The following SATL1 variants were observed in gnomAD, a reference collection of about 807,000 sequenced individuals.
SATL1 encodes spermidine/spermine N1-acetyl transferase like 1.
Under a neutral mutation model 51.8 loss-of-function variants are expected in SATL1, and 47 were observed. That is an observed-to-expected ratio of 0.91 (90% confidence interval 0.72 to 1.16). The LOEUF is 1.16. Among genes scored for constraint, SATL1 ranks in the 50% most tolerant of loss-of-function variants. SATL1 has a pLI of 0.00. For synonymous variants in SATL1, 176 were observed against 182.4 expected, an observed-to-expected ratio of 0.97 and a Z score of 0.28; for missense variants, 520 against 526.4, an observed-to-expected ratio of 0.99 and a Z score of 0.12.
chrX:85,150,464 A>G (rs1275429727), intron 2 of SATL1, among the ~76,000 whole-genome samples: 3 of 108,138 alleles, frequency 2.8e-5, no homozygotes, highest in Non-Finnish European at 5.7e-5. Context: ...AACTCATTTT[A>G]TGAGGCCAGC....
chrX:85,129,193 G>T (rs748829975), intron 2 of SATL1, among the ~76,000 whole-genome samples: 4 of 111,849 alleles, frequency 3.6e-5, no homozygotes, highest in Non-Finnish European at 5.6e-5. Context: ...GAAAGTTATT[G>T]GTAGCTTGAT....
At chrX:85,168,782 C>A (rs866247644) in intron 2 of SATL1, among the ~76,000 whole-genome samples, 1 of 111,428 alleles carries the variant, frequency 9.0e-6, no homozygotes, top group African/African-American at 3.3e-5. Context: ...TTTTAAAATT[C>A]AAATGGAACA....
intron 2 of SATL1, among the ~76,000 whole-genome samples, chrX:85,200,854 A>G (rs1927672518): frequency 9.0e-6 from 1 of 110,832 alleles, no homozygotes; most frequent in Non-Finnish European, 1.9e-5. Context: ...AATATTATAT[A>G]ATTAACATTT....
chrX:85,105,849 G>C, intron 3 of SATL1, among the ~76,000 whole-genome samples: 1 of 112,065 alleles, frequency 8.9e-6, no homozygotes, highest in Non-Finnish European at 1.9e-5. Context: ...ATGTGAGAGA[G>C]TAATTTAGCT....
At chrX:85,202,857 T>C (rs1927713870) in intron 2 of SATL1, among the ~76,000 whole-genome samples, 2 of 111,591 alleles carry the variant, frequency 1.8e-5, no homozygotes, top group Non-Finnish European at 1.9e-5. Flanking sequence ...TGCTCGTTCA[T>C]TAGTCCAAGG....
intron 2 of SATL1, among the ~76,000 whole-genome samples, chrX:85,216,161 G>C (rs1363307270): frequency 1.8e-5 from 2 of 110,919 alleles, no homozygotes; most frequent in Non-Finnish European, 3.8e-5. Context: ...GGAGGTGACA[G>C]GCTCTTTTTA....
chrX:85,232,226 C>A (rs371994893), intron 1 of SATL1, among the ~76,000 whole-genome samples: 15 of 109,474 alleles, frequency 1.4e-4, no homozygotes, highest in African/African-American at 5.0e-4. Flanking sequence ...CCAGTCCTGG[C>A]AAGATGAATC....
At chrX:85,213,033 G>T (rs1318641146) in intron 2 of SATL1, among the ~76,000 whole-genome samples, 1 of 111,371 alleles carries the variant, frequency 9.0e-6, no homozygotes, top group African/African-American at 3.3e-5. Flanking sequence ...TGTAAAATGG[G>T]ATTAGGAAAT....
At chrX:85,240,353 G>A (rs1928566102) in intron 1 of SATL1, among the ~76,000 whole-genome samples, 1 of 111,406 alleles carries the variant, frequency 9.0e-6, no homozygotes, top group Non-Finnish European at 1.9e-5. Context: ...AGGTGACGAC[G>A]GCCTGAACTC....
At chrX:85,193,039 A>G (rs1441424582) in intron 2 of SATL1, among the ~76,000 whole-genome samples, 6 of 111,985 alleles carry the variant, frequency 5.4e-5, no homozygotes, top group African/African-American at 1.6e-4. Context: ...AGTTAAATGA[A>G]AGTTGTGGTT....
At chrX:85,114,351 C>A (rs775917485) in intron 2 of SATL1, among the ~76,000 whole-genome samples, 2 of 111,197 alleles carry the variant, frequency 1.8e-5, no homozygotes, top group Non-Finnish European at 3.8e-5. Flanking sequence ...TTATTTCAGT[C>A]CTCTATTTGT....
At chrX:85,161,369 C>A (rs1385543729) in intron 2 of SATL1, among the ~76,000 whole-genome samples, 1 of 110,026 alleles carries the variant, frequency 9.1e-6, no homozygotes, top group African/African-American at 3.3e-5. Flanking sequence ...GAGTGGCAAG[C>A]TCAATAAAGA....
At chrX:85,185,787 A>G (rs754035573) in intron 2 of SATL1, among the ~76,000 whole-genome samples, 16 of 110,590 alleles carry the variant, frequency 1.4e-4, no homozygotes, top group Admixed American at 6.7e-4. Flanking sequence ...GTCTTGAATC[A>G]TGGATGCCAG....
At chrX:85,148,100 T>C (rs1168813144) in intron 2 of SATL1, among the ~76,000 whole-genome samples, 1 of 111,046 alleles carries the variant, frequency 9.0e-6, no homozygotes, top group Non-Finnish European at 1.9e-5. Context: ...AATGTATAAC[T>C]AGAATAACCA....
intron 2 of SATL1, among the ~76,000 whole-genome samples, chrX:85,126,844 C>G (rs765586031): frequency 1.8e-5 from 2 of 108,225 alleles, no homozygotes; most frequent in East Asian, 2.9e-4. Context: ...TTTTACCCCC[C>G]CCACCACACC....
chrX:85,145,959 C>T (rs983924335), intron 2 of SATL1, among the ~76,000 whole-genome samples: 112 of 106,975 alleles, frequency 1.0e-3, no homozygotes, highest in Non-Finnish European at 1.9e-3. Flanking sequence ...TGCAGTGGCA[C>T]GATCTCGGCT....
chrX:85,204,994 G>A (rs1927765080), intron 2 of SATL1, among the ~76,000 whole-genome samples: 1 of 111,988 alleles, frequency 8.9e-6, no homozygotes, highest in African/African-American at 3.2e-5. Flanking sequence ...GATAACAAAA[G>A]GCAGTTAGCC....
intron 2 of SATL1, among the ~76,000 whole-genome samples, chrX:85,180,777 T>C (rs1311230853): frequency 1.8e-5 from 2 of 111,372 alleles, no homozygotes; most frequent in Admixed American, 9.6e-5. Flanking sequence ...CAGCTGCTTC[T>C]AGTTTATAAG....
chrX:85,191,909 T>C (rs1927450745), intron 2 of SATL1, among the ~76,000 whole-genome samples: 1 of 111,862 alleles, frequency 8.9e-6, no homozygotes, highest in African/African-American at 3.2e-5. Flanking sequence ...ATATTTACTA[T>C]AAATACTTAA....
Sources: allele counts gnomAD v4.1 joint callset (sites outside exome capture counted in the v4.1 genomes callset), GRCh38; gene constraint gnomAD v4.1.1; transcripts MANE v1.5; gene names NCBI Gene and HGNC (gene_info 2026-07-23, HGNC 2026-07-21).